Variants in SYNE1 observed in about 807,000 individuals in gnomAD.
SYNE1 encodes the protein spectrin repeat containing nuclear envelope protein 1.
In SYNE1, 616 loss-of-function variants were observed where a neutral mutation model predicts 1,111.0. The observed-to-expected ratio is 0.55, with a 90% CI of 0.52 to 0.59. The LOEUF (loss-of-function observed/expected upper bound fraction) is 0.59. Among genes scored for constraint, SYNE1 ranks in the 20% least tolerant of loss-of-function variants. The pLI, the probability that SYNE1 is intolerant of heterozygous loss-of-function variation, is 0.00. For missense variants in SYNE1, 10,006 were observed against 10,417.0 expected (o/e 0.96, Z 1.72); for synonymous variants, 3,855 against 3,825.8 (o/e 1.01, Z -0.28).
At chr6:152,167,327 A>G (rs1039271859) in intron 130 of SYNE1, among the ~76,000 whole-genome samples, 2 of 152,224 alleles carry the variant, frequency 1.3e-5, no homozygotes, top group Non-Finnish European at 2.9e-5. Context: ...CTTCAAAGTA[A>G]TTTAGTATAT....
At chr6:152,560,789 A>G (rs1397991815) in intron 3 of SYNE1, among the ~76,000 whole-genome samples, 1 of 152,200 alleles carries the variant, frequency 6.6e-6, no homozygotes, top group Non-Finnish European at 1.5e-5. Context: ...GTGATATACC[A>G]TAATAATAGA....
intron 4 of SYNE1, among the ~76,000 whole-genome samples, chr6:152,538,412 T>A (rs1365794731): frequency 6.6e-6 from 1 of 152,064 alleles, no homozygotes; most frequent in Non-Finnish European, 1.5e-5. Context: ...ACGTGTTGGG[T>A]GAAATAGAGG....
chr6:152,317,056 T>C, intron 86 of SYNE1, 70 bp from the exon 87 acceptor site: 1 of 1,580,568 alleles, frequency 6.3e-7, no homozygotes, highest in Non-Finnish European at 8.6e-7. Flanking sequence ...ATCAGTCTTC[T>C]CTCTCTTTGG....
intron 31 of SYNE1, among the ~76,000 whole-genome samples, chr6:152,441,865 T>G (rs1592764822): frequency 6.6e-6 from 1 of 152,180 alleles, no homozygotes; most frequent in African/African-American, 2.4e-5. Flanking sequence ...AACTCTTTCT[T>G]CTTAAGCATC....
Position 152,390,402 on chromosome 6 carries a change from A to T in SYNE1, c.8055T>A (p.Ile2685=). The T allele has an allele frequency of 6.2e-7, 1 of 1,614,090 alleles. No homozygotes were observed. The highest frequency in any genetic ancestry group is 8.5e-7 in the Non-Finnish European group (1 of 1,179,992). ...GEGEVKLNMA[I]GKGEQALRSS... ...TTCTCAAGGCCTGTTCCCCCTTGCC[A>T]ATGGCCATATTCAACTTAACTTCCC... The change falls in exon 53 of 146, where the codon ATT becomes ATA. Residue 2685 remains isoleucine, a synonymous_variant. Transcript: ENST00000367255.
At chr6:152,287,699 A>G (rs2094405627) in intron 95 of SYNE1, among the ~76,000 whole-genome samples, 1 of 152,106 alleles carries the variant, frequency 6.6e-6, no homozygotes, top group Non-Finnish European at 1.5e-5. Context: ...GGCATGCACC[A>G]CCACACCCAG....
At chr6:152,468,952 A>C (rs79204980) in intron 16 of SYNE1, among the ~76,000 whole-genome samples, 1 of 151,810 alleles carries the variant, frequency 6.6e-6, no homozygotes, top group African/African-American at 2.4e-5. Context: ...AATTTTTAAA[A>C]TTTTTTGTAG....
rs1308612615 is a variant in SYNE1 at position 152,404,199 on chromosome 6, T to C, written c.6825+14A>G. ...AAATGGATGGAAGTCTAGTAGTTAT[T>C]ACAAAATGCTTACCTGAAGGTCTGG... is the stretch of plus-strand genomic sequence containing the variant. On this transcript the variant is annotated intron_variant, in intron 46 of 145. Coordinates refer to ENST00000367255, the MANE Select transcript of SYNE1 (RefSeq NM_182961.4). 1 of 1,601,666 alleles carries C rather than the reference T, an allele frequency of 6.2e-7. No individual in the cohort carries two copies.
intron 3 of SYNE1, among the ~76,000 whole-genome samples, chr6:152,599,473 C>A (rs139837836): frequency 1.1e-4 from 17 of 152,220 alleles, no homozygotes; most frequent in African/African-American, 4.1e-4. Context: ...AAAGGAATAA[C>A]GACAAAAGAA....
At chr6:152,612,206 C>G (rs1207216953) in intron 3 of SYNE1, among the ~76,000 whole-genome samples, 2 of 151,678 alleles carry the variant, frequency 1.3e-5, no homozygotes, top group African/African-American at 2.4e-5. Flanking sequence ...ATGAATCTAA[C>G]AGCTGGTTTT....
At chr6:152,562,117 G>A (rs2128231119) in intron 3 of SYNE1, among the ~76,000 whole-genome samples, 1 of 152,236 alleles carries the variant, frequency 6.6e-6, no homozygotes, top group African/African-American at 2.4e-5. Context: ...ACAGAGGGAA[G>A]AGACAACCTA....
At chr6:152,160,458 A>G (rs1485985528) in intron 131 of SYNE1, among the ~76,000 whole-genome samples, 1 of 152,142 alleles carries the variant, frequency 6.6e-6, no homozygotes, top group African/African-American at 2.4e-5. Flanking sequence ...TACAGCTGTC[A>G]TCAGGGACTT....
chr6:152,340,838 G>A (rs563862859), intron 74 of SYNE1, among the ~76,000 whole-genome samples: 3 of 152,330 alleles, frequency 2.0e-5, no homozygotes, highest in East Asian at 3.9e-4. Context: ...GGCAGCTATG[G>A]TGTCCAGGTG....
rs747150703 is a variant in SYNE1, at chr6:152,465,416, C to A, written c.1774G>T (p.Ala592Ser). Residue 592 changes from alanine to serine, a missense_variant, in exon 18 of 146, where the codon GCT becomes TCT. Transcript: ENST00000367255. The part of the protein sequence containing the change: ...NVMKFMNETT[A>S]QWRNLSVEVR... Reference sequence around the variant, plus strand: ...TCTACTGAGAGATTCCTCCACTGAGCGGTGGTTTCATTCATGAATTTCATC... The same window carrying A: ...TCTACTGAGAGATTCCTCCACTGAGAGGTGGTTTCATTCATGAATTTCATC... The A allele has an allele frequency of 9.9e-6, 16 of 1,613,510 alleles. No individual in the cohort carries two copies. Among genetic ancestry groups the A allele is most frequent in the Non-Finnish European group, 1.4e-5 (16 of 1,179,764 alleles).
chr6:152,408,828 C>T (rs1028913781), intron 44 of SYNE1, among the ~76,000 whole-genome samples: 1 of 152,074 alleles, frequency 6.6e-6, no homozygotes, highest in African/African-American at 2.4e-5. Context: ...TGGCGCATGC[C>T]TGTAATCCCA....
At chr6:152,218,466 A>C (rs1054038630) in intron 120 of SYNE1, 63 bp from the exon 121 acceptor site, 57 of 1,582,246 alleles carry the variant, frequency 3.6e-5, no homozygotes, top group Non-Finnish European at 4.6e-5. Context: ...ATTTTAATAA[A>C]GTCTGGTAAA....
At chr6:152,373,487 G>A (rs908168789) in intron 58 of SYNE1, among the ~76,000 whole-genome samples, 4 of 151,876 alleles carry the variant, frequency 2.6e-5, no homozygotes, top group Admixed American at 6.6e-5. Flanking sequence ...TCACCATGTT[G>A]GCCAGGATGG....
chr6:152,122,388 C>T lies in SYNE1; in HGVS notation c.*48G>A, dbSNP rs369250392. The T allele has an allele frequency of 2.0e-5, 32 of 1,613,284 alleles. No individual in the cohort carries two copies. In the African/African-American group the frequency reaches 2.7e-4, roughly 13 times the overall value. ...TGGTAGTTTGGGATTGCTTATGACC[C>T]GATCCTCCTTATGCTACCAGCACTT... is the stretch of plus-strand genomic sequence containing the variant. On this transcript the variant is annotated 3_prime_UTR_variant, in exon 146 of 146. Coordinates refer to ENST00000367255, the MANE Select transcript of SYNE1 (RefSeq NM_182961.4).
In SYNE1 at chr6:152,269,421, T is replaced by A. The variant is rs201127847; in HGVS notation, c.18574-135A>T. ...CACTGGGATGTGAAACCACATTTTT[T>A]AAAAAAAACAGTAACACAAAACCCA... On this transcript the variant is annotated intron_variant, in intron 98 of 145. Transcript: ENST00000367255. 5.2e-4 allele frequency: 627 copies of A among 1,214,336 alleles called. 2 individuals are homozygous for A. The highest frequency in any genetic ancestry group is 4.2e-3 in the African/African-American group (280 of 66,926). The allele number at this position is 1,214,336 out of a possible 1,614,324, so 75.2% of individuals were successfully genotyped here.
Sources: allele counts gnomAD v4.1 joint callset (sites outside exome capture counted in the v4.1 genomes callset), GRCh38; gene constraint gnomAD v4.1.1; transcripts MANE v1.5; gene names NCBI Gene and HGNC (gene_info 2026-07-23, HGNC 2026-07-21).